Variants in RPIA observed in about 807,000 individuals in gnomAD.
RPIA encodes ribose-5-phosphate isomerase.
A neutral mutation model predicts 37.8 loss-of-function variants in RPIA; 29 were observed. The observed-to-expected ratio is 0.77, with a 90% confidence interval of 0.57 to 1.05. The LOEUF (loss-of-function observed/expected upper bound fraction) is 1.05, where lower values mean the gene tolerates loss of function less well. Ranked by LOEUF, RPIA falls within the 50% of genes least tolerant of loss-of-function variation. The pLI is 0.00. For missense variants in RPIA, 385 were observed against 413.6 expected (o/e 0.93, Z 0.60); for synonymous variants, 167 against 157.0 (o/e 1.06, Z -0.48).
In RPIA at chr2:88,698,618, T is replaced by C. The variant is rs937307710; in HGVS notation, c.346+74T>C. ...AGGGAGGTAGAGGAGAGGGAGGAAG[T>C]GGCACACAGGTTTGGCATTGCCCTT... is the stretch of plus-strand genomic sequence containing the variant. On this transcript the variant is annotated intron_variant, in intron 2 of 8. Transcript: ENST00000283646. 2.8e-5 allele frequency: 39 copies of C among 1,397,756 alleles called. No individual in the cohort carries two copies. The African/African-American group carries it at 5.2e-4, about 19-fold the overall frequency. The allele number at this position is 1,397,756 out of a possible 1,614,324, so 86.6% of individuals were successfully genotyped here.
At chr2:88,740,696 G>T (rs13408853) in intron 8 of RPIA, among the ~76,000 whole-genome samples, 9,188 of 152,100 alleles carry the variant, frequency 0.06, 494 homozygotes, top group African/African-American at 0.14. Flanking sequence ...ATATTTTATC[G>T]GGGAGTTGGG....
chr2:88,725,351 A>G (rs921968790), intron 3 of RPIA, among the ~76,000 whole-genome samples: 1 of 152,122 alleles, frequency 6.6e-6, no homozygotes, highest in Non-Finnish European at 1.5e-5. Context: ...CTTAAAAAAA[A>G]AAAAACAGAA....
At chr2:88,744,090 T>G (rs534944897) in intron 8 of RPIA, among the ~76,000 whole-genome samples, 5 of 152,194 alleles carry the variant, frequency 3.3e-5, no homozygotes, top group Non-Finnish European at 4.4e-5. Flanking sequence ...TTCCTTGAAG[T>G]GTAACCTCAG....
At chr2:88,736,697 G>A (rs769091060) in intron 7 of RPIA, 21 bp downstream of exon 7, 9 of 1,603,730 alleles carry the variant, frequency 5.6e-6, no homozygotes, top group East Asian at 2.2e-5. Flanking sequence ...TGGTTGGGCC[G>A]GGGGTGTGCT....
chr2:88,720,277 C>G (rs887715158), intron 3 of RPIA, among the ~76,000 whole-genome samples: 41 of 151,986 alleles, frequency 2.7e-4, no homozygotes, highest in Non-Finnish European at 8.8e-5. Flanking sequence ...CAAATCAAAA[C>G]TTAATGCCAT....
At chr2:88,714,358 G>A (rs1400121532) in intron 3 of RPIA, among the ~76,000 whole-genome samples, 2 of 152,092 alleles carry the variant, frequency 1.3e-5, no homozygotes, top group African/African-American at 4.8e-5. Flanking sequence ...TTCTAGTAGA[G>A]ACAGTGTTTC....
chr2:88,749,921 T>G, intron 8 of RPIA, 60 bp from the exon 9 acceptor site: 1 of 1,228,382 alleles, frequency 8.1e-7, no homozygotes, highest in East Asian at 2.3e-5. Flanking sequence ...CTGCAGTCTT[T>G]GAGTCTCTTT....
At chr2:88,741,049 G>GT (rs927606090) in intron 8 of RPIA, among the ~76,000 whole-genome samples, 7 of 151,536 alleles carry the variant, frequency 4.6e-5, no homozygotes, top group Middle Eastern at 3.4e-3. Context: ...GTCTTTGGGA[G>GT]TTTTTTTTTA....
intron 3 of RPIA, among the ~76,000 whole-genome samples, chr2:88,715,928 G>A (rs570666031): frequency 6.6e-6 from 1 of 152,294 alleles, no homozygotes; most frequent in South Asian, 2.1e-4. Flanking sequence ...CAAGGGAAAA[G>A]TCAAGCTGGG....
intron 3 of RPIA, 73 bp from the exon 4 acceptor site, chr2:88,729,205 C>T (rs944230202): frequency 2.0e-6 from 3 of 1,519,638 alleles, no homozygotes; most frequent in East Asian, 2.3e-5. Flanking sequence ...ACACTTAAAT[C>T]CAGAAGAATT....
chr2:88,713,408 G>A lies in RPIA; in HGVS notation c.402+13344G>A, dbSNP rs112317262. 3.7e-3 allele frequency among the ~76,000 whole-genome samples: 563 copies of A among 152,108 alleles called. 2 individuals carry two copies. Among genetic ancestry groups the A allele is most frequent in the African/African-American group, 0.012 (497 of 41,500 alleles). On this transcript the variant is annotated intron_variant, in intron 3 of 8. Transcript: ENST00000283646. Reference sequence around the variant, plus strand: ...TGTTAAATACTTTCTCAGGAATTTTGTAGGCATTTCTCTGTTGTCTTCTGG... The same window carrying A: ...TGTTAAATACTTTCTCAGGAATTTTATAGGCATTTCTCTGTTGTCTTCTGG...
At chr2:88,741,306 C>T (rs1224766206) in intron 8 of RPIA, among the ~76,000 whole-genome samples, 1 of 152,110 alleles carries the variant, frequency 6.6e-6, no homozygotes, top group Non-Finnish European at 1.5e-5. Context: ...TGAGAACATA[C>T]GATGTTTGGG....
At chr2:88,697,641 C>T (rs555455445) in intron 1 of RPIA, among the ~76,000 whole-genome samples, 8 of 152,176 alleles carry the variant, frequency 5.3e-5, no homozygotes, top group South Asian at 2.1e-4. Context: ...AGGTAGGCTC[C>T]GTATTGTGAT....
In RPIA at chr2:88,738,002, A is replaced by G. The variant is rs780159716; in HGVS notation, c.764A>G (p.Asn255Ser). 3.7e-6 allele frequency: 6 copies of G among 1,613,802 alleles called. No homozygotes were observed. In the Middle Eastern group the frequency reaches 5.0e-4, roughly 133 times the overall value. ...KAGPVVTDNG[N>S]FILDWKFDRV... ...GGTCCTGTGGTGACAGATAATGGGA[A>G]TTTTATCTTGGACTGGAAGTTTGAC... Residue 255 changes from asparagine to serine, a missense_variant, in exon 8 of 9, where the codon AAT becomes AGT. Around this residue, in one of 2 missense-constraint regions of RPIA, gnomAD observed 153 missense variants for 210.6 expected, o/e 0.73. Transcript: ENST00000283646.
intron 3 of RPIA, among the ~76,000 whole-genome samples, chr2:88,720,267 C>T (rs1202012255): frequency 6.6e-6 from 1 of 151,946 alleles, no homozygotes; most frequent in Non-Finnish European, 1.5e-5. Flanking sequence ...TTTTCGTAAG[C>T]AAATCAAAAC....
chr2:88,712,059 A>G (rs920548969), intron 3 of RPIA, among the ~76,000 whole-genome samples: 2 of 152,242 alleles, frequency 1.3e-5, no homozygotes, highest in Admixed American at 6.5e-5. Context: ...ATAATGAGGC[A>G]TATCTGACTC....
chr2:88,742,291 A>G (rs1673391733), intron 8 of RPIA, among the ~76,000 whole-genome samples: 1 of 152,166 alleles, frequency 6.6e-6, no homozygotes, highest in South Asian at 2.1e-4. Context: ...TCCCAGCACC[A>G]TTTGTTGAAT....
chr2:88,698,174 C>T (rs987121214), intron 1 of RPIA, among the ~76,000 whole-genome samples: 4 of 150,540 alleles, frequency 2.7e-5, no homozygotes, highest in South Asian at 2.1e-4. Flanking sequence ...GTGAGGGTGA[C>T]GCAAGTTGCT....
intron 1 of RPIA, among the ~76,000 whole-genome samples, chr2:88,695,948 C>T (rs1256099631): frequency 1.3e-5 from 2 of 148,568 alleles, no homozygotes; most frequent in African/African-American, 5.0e-5. Context: ...TTTTTGGTAA[C>T]TCTACTTGTT....
Sources: allele counts gnomAD v4.1 joint callset (sites outside exome capture counted in the v4.1 genomes callset), GRCh38; gene constraint gnomAD v4.1.1; regional missense constraint gnomAD v4.1.1; transcripts MANE v1.5; gene names NCBI Gene and HGNC (gene_info 2026-07-23, HGNC 2026-07-21).